Variants in TRIO observed in about 807,000 individuals in gnomAD.
The protein encoded by TRIO is triple functional domain protein.
Under a neutral mutation model 351.9 loss-of-function variants are expected in TRIO, and 58 were observed. That is an observed-to-expected ratio of 0.16 (90% CI 0.13 to 0.21). The LOEUF is 0.21. Among genes scored for constraint, TRIO ranks in the 10% least tolerant of loss-of-function variants. The probability of loss-of-function intolerance (pLI) is 1.00; values close to 1 mark genes in which losing one functional copy is unlikely to be tolerated. For missense variants in TRIO, 3,201 were observed against 4,027.8 expected (o/e 0.79, Z 5.56); for synonymous variants, 1,758 against 1,595.7 (o/e 1.10, Z -2.42).
At chr5:14,203,887 A>G (rs553690863) in intron 1 of TRIO, among the ~76,000 whole-genome samples, 1 of 152,228 alleles carries the variant, frequency 6.6e-6, no homozygotes, top group Non-Finnish European at 1.5e-5. Context: ...GAAGAAGGAA[A>G]GTGAGCCCTT....
At chr5:14,464,833 C>A (rs1411782397) in intron 36 of TRIO, among the ~76,000 whole-genome samples, 2 of 152,122 alleles carry the variant, frequency 1.3e-5, no homozygotes, top group Non-Finnish European at 1.5e-5. Context: ...TCTGCAAACA[C>A]GTCGTGTTTG....
chr5:14,470,416 A>G (rs902566161), intron 37 of TRIO, among the ~76,000 whole-genome samples: 3 of 152,346 alleles, frequency 2.0e-5, no homozygotes, highest in African/African-American at 7.2e-5. Context: ...CAGTTCAATC[A>G]TATCTATATA....
chr5:14,238,296 CTT>C (rs1277617543), intron 1 of TRIO, among the ~76,000 whole-genome samples: 1 of 152,190 alleles, frequency 6.6e-6, no homozygotes, highest in Non-Finnish European at 1.5e-5. Flanking sequence ...CCATTGTTTT[CTT>C]TGATGCTGAT....
chr5:14,446,013 G>A (rs77942160), intron 34 of TRIO, among the ~76,000 whole-genome samples: 7 of 152,292 alleles, frequency 4.6e-5, no homozygotes, highest in Admixed American at 2.0e-4. Flanking sequence ...ATCACACCAC[G>A]GGCACTGATT....
chr5:14,464,819 GTAATC>G (rs1411702105), intron 36 of TRIO, among the ~76,000 whole-genome samples: 1 of 152,102 alleles, frequency 6.6e-6, no homozygotes, highest in Non-Finnish European at 1.5e-5. Context: ...AACGGCTCAA[GTAATC>G]TGCAAACACG....
intron 1 of TRIO, among the ~76,000 whole-genome samples, chr5:14,238,499 G>A (rs1015423906): frequency 2.0e-5 from 3 of 152,154 alleles, no homozygotes; most frequent in Admixed American, 1.3e-4. Context: ...GTCCCTGTGG[G>A]CCCCGTGCAC....
intron 1 of TRIO, among the ~76,000 whole-genome samples, chr5:14,172,389 T>G (rs1789150453): frequency 6.6e-6 from 1 of 151,956 alleles, no homozygotes; most frequent in Non-Finnish European, 1.5e-5. Flanking sequence ...TCACAGAGAG[T>G]AGTGACAGGC....
At chr5:14,255,531 C>T (rs1415946990) in intron 1 of TRIO, among the ~76,000 whole-genome samples, 5 of 152,278 alleles carry the variant, frequency 3.3e-5, no homozygotes, top group South Asian at 2.1e-4. Context: ...CACGGGAGAA[C>T]GCAAGTACAG....
At chr5:14,287,608 G>A (rs757414802) in intron 4 of TRIO, among the ~76,000 whole-genome samples, 16 of 152,138 alleles carry the variant, frequency 1.1e-4, no homozygotes, top group Admixed American at 2.0e-4. Context: ...TCTTTCAGTG[G>A]TAAAAACAAG....
chr5:14,479,752 G>A (rs1163317338), intron 42 of TRIO, among the ~76,000 whole-genome samples, 167 bp from the exon 43 acceptor site: 1 of 152,166 alleles, frequency 6.6e-6, no homozygotes, highest in African/African-American at 2.4e-5. Context: ...AGGTGAAAGT[G>A]TAAAACTTGG....
chr5:14,351,285 C>T (rs59001420), intron 11 of TRIO, among the ~76,000 whole-genome samples: 3,323 of 152,338 alleles, frequency 0.022, 112 homozygotes, highest in African/African-American at 0.076. Context: ...ACATGCTGCA[C>T]GTGGATGAGG....
chr5:14,472,775 T>C (rs1312536671), intron 39 of TRIO, 117 bp downstream of exon 39: 1 of 1,131,126 alleles, frequency 8.8e-7, no homozygotes, highest in Non-Finnish European at 1.2e-6. Context: ...TGACCCAAAA[T>C]AAAAAGTGAC....
chr5:14,156,415 G>A (rs538684202), intron 1 of TRIO, among the ~76,000 whole-genome samples: 2 of 152,118 alleles, frequency 1.3e-5, no homozygotes, highest in African/African-American at 2.4e-5. Flanking sequence ...AGAAGTGTAT[G>A]CGTGTATGTG....
chr5:14,401,178 T>C (rs780443812), intron 31 of TRIO, 114 bp downstream of exon 31: 22 of 883,064 alleles, frequency 2.5e-5, no homozygotes, highest in Non-Finnish European at 3.3e-5. Context: ...TTTGTGTGTG[T>C]GTGTTCTATT....
intron 33 of TRIO, among the ~76,000 whole-genome samples, chr5:14,410,347 C>T (rs956792510): frequency 6.6e-6 from 1 of 152,304 alleles, no homozygotes; most frequent in East Asian, 1.9e-4. Context: ...TCCAGTAGAA[C>T]AGTTGAGGGT....
chr5:14,175,858 A>G (rs1048380922), intron 1 of TRIO, among the ~76,000 whole-genome samples: 3 of 152,238 alleles, frequency 2.0e-5, no homozygotes, highest in South Asian at 2.1e-4. Context: ...GGGGAGATAC[A>G]CCTTATGAAA....
chr5:14,432,847 TA>T (rs1466596589), intron 34 of TRIO, among the ~76,000 whole-genome samples: 1 of 152,198 alleles, frequency 6.6e-6, no homozygotes, highest in Non-Finnish European at 1.5e-5. Flanking sequence ...TGCTCTTCCT[TA>T]AAGGAGCTGA....
At chr5:14,246,133 G>A (rs574169848) in intron 1 of TRIO, among the ~76,000 whole-genome samples, 16 of 152,118 alleles carry the variant, frequency 1.1e-4, no homozygotes, top group Non-Finnish European at 2.4e-4. Flanking sequence ...AACAGCTACA[G>A]TTTCGTTGTA....
chr5:14,151,072 C>T (rs1187989044), intron 1 of TRIO, among the ~76,000 whole-genome samples: 2 of 152,214 alleles, frequency 1.3e-5, no homozygotes, highest in African/African-American at 2.4e-5. Context: ...TCTTCAGCGC[C>T]TCACAGTTCC....
Sources: allele counts gnomAD v4.1 joint callset (sites outside exome capture counted in the v4.1 genomes callset), GRCh38; gene constraint gnomAD v4.1.1; transcripts MANE v1.5; gene names NCBI Gene and HGNC (gene_info 2026-07-23, HGNC 2026-07-21).